The following RUFY2 variants were observed in gnomAD, a reference collection of about 807,000 sequenced individuals.
RUFY2 encodes RUN and FYVE domain containing 2, also known as RUN and FYVE domain-containing protein 2.
In RUFY2, 49 loss-of-function variants were observed where a neutral mutation model predicts 94.4. The observed-to-expected ratio is 0.52, with a 90% CI of 0.41 to 0.66. The LOEUF (loss-of-function observed/expected upper bound fraction) is 0.66, where lower values mean the gene tolerates loss of function less well. RUFY2 is among the 30% of genes least tolerant of loss of function. RUFY2 has a pLI of 0.00. For synonymous variants in RUFY2, 255 were observed against 235.7 expected (o/e 1.08, Z -0.75); for missense variants, 541 against 692.8 (o/e 0.78, Z 2.46).
In RUFY2 at chr10:68,343,752, A is replaced by ATAGTT. The variant is rs959840994; in HGVS notation, c.*2011_*2015dup. ...TGTAACAGAAAAATCCAAAGTTAGT[A>ATAGTT]TAGTTTTTAAATAAGCCAAAACTAC... On this transcript the variant is annotated 3_prime_UTR_variant, in exon 18 of 18. Coordinates refer to ENST00000602465, the MANE Select transcript of RUFY2 (RefSeq NM_001330103.2). 6.7e-6 allele frequency: 1 copy of ATAGTT among 148,306 alleles called. No individual in the cohort carries two copies. The highest frequency in any genetic ancestry group is 2.5e-5 in the African/African-American group (1 of 39,616). The allele number at this position is 148,306 out of a possible 1,614,324, so 9.2% of individuals were successfully genotyped here. A position where few individuals can be genotyped will look rare whatever the true frequency, so the allele number is the denominator to read the frequency against.
intron 17 of RUFY2, 34 bp from the exon 18 acceptor site, chr10:68,345,945 CT>C: frequency 6.2e-7 from 1 of 1,612,422 alleles, no homozygotes; most frequent in Non-Finnish European, 8.5e-7. Flanking sequence ...GAAAAAAACA[CT>C]TTAAATAAAA....
chr10:68,392,799 G>A (rs578251114), intron 7 of RUFY2, among the ~76,000 whole-genome samples: 53 of 150,648 alleles, frequency 3.5e-4, no homozygotes, highest in African/African-American at 7.1e-4. Context: ...GTGGTGGTGC[G>A]CGCCTATAGT....
chr10:68,351,921 G>A (rs1350601573), intron 16 of RUFY2, among the ~76,000 whole-genome samples: 1 of 151,598 alleles, frequency 6.6e-6, no homozygotes, highest in African/African-American at 2.4e-5. Flanking sequence ...GCTGGGCATG[G>A]TGGTGGGTGC....
In RUFY2 at chr10:68,394,637, T is replaced by A. The variant is rs7096049; in HGVS notation, c.399-186A>T. 6.4e-3 allele frequency among the ~76,000 whole-genome samples: 938 copies of A among 147,322 alleles called. 15 individuals carry two copies. The highest frequency in any genetic ancestry group is 0.023 in the African/African-American group (901 of 38,742). ...TATTTTTTATTTTTTATTTATTAAT[T>A]TTTTTTTTTTGAGACGAAGTCTTGC... is the stretch of plus-strand genomic sequence containing the variant. On this transcript the variant is annotated intron_variant, in intron 4 of 17. Transcript: ENST00000602465.
chr10:68,380,055 G>A (rs987559785), intron 11 of RUFY2, among the ~76,000 whole-genome samples: 7 of 151,486 alleles, frequency 4.6e-5, no homozygotes, highest in African/African-American at 7.3e-5. Context: ...TGATCTGCCC[G>A]CCTTGGCCTC....
At chr10:68,389,057 T>C (rs977870698) in intron 7 of RUFY2, among the ~76,000 whole-genome samples, 1 of 151,464 alleles carries the variant, frequency 6.6e-6, no homozygotes, top group African/African-American at 2.4e-5. Context: ...CATGACCAGC[T>C]AATTTTTTGT....
chr10:68,366,869 A>AT (rs2047885957), intron 13 of RUFY2, among the ~76,000 whole-genome samples: 2 of 139,660 alleles, frequency 1.4e-5, no homozygotes, highest in Non-Finnish European at 3.1e-5. Context: ...TATATTAAAT[A>AT]AATATATATA....
At chr10:68,394,273 A>G in intron 5 of RUFY2, 55 bp downstream of exon 5, 2 of 1,611,246 alleles carry the variant, frequency 1.2e-6, no homozygotes, top group Non-Finnish European at 1.7e-6. Flanking sequence ...CTGATCAAGG[A>G]GGAACTGTGC....
chr10:68,359,188 G>T (rs2047258535), intron 15 of RUFY2, among the ~76,000 whole-genome samples: 1 of 151,880 alleles, frequency 6.6e-6, no homozygotes, highest in African/African-American at 2.4e-5. Flanking sequence ...AGACTAGCCT[G>T]ATCAACATGG....
At chr10:68,366,588 C>CA (rs145762001) in intron 13 of RUFY2, among the ~76,000 whole-genome samples, 15,707 of 148,496 alleles carry the variant, frequency 0.11, 1,040 homozygotes, top group South Asian at 0.24. Context: ...ACTAAAAATA[C>CA]AAAAATAGCC....
intron 13 of RUFY2, among the ~76,000 whole-genome samples, chr10:68,367,903 T>G (rs1461863521): frequency 1.3e-5 from 2 of 151,836 alleles, no homozygotes; most frequent in African/African-American, 4.8e-5. Context: ...CCTGGCCCTG[T>G]TTTTGGCTTT....
intron 15 of RUFY2, among the ~76,000 whole-genome samples, chr10:68,358,399 C>T (rs2047202553): frequency 1.3e-5 from 2 of 152,136 alleles, no homozygotes; most frequent in South Asian, 2.1e-4. Flanking sequence ...TTTCACCTAC[C>T]TCATATTGAC....
At chr10:68,341,735 TTTTTTTC>T (rs763429371), downstream of RUFY2, 102 of 1,587,074 alleles carry the variant, frequency 6.4e-5, no homozygotes, top group African/African-American at 8.2e-5. Context: ...GAGTCTCAAT[TTTTTTTC>T]TTTTTTCTTT....
At chr10:68,369,780 T>TA (rs1047189190) in intron 13 of RUFY2, among the ~76,000 whole-genome samples, 2 of 151,578 alleles carry the variant, frequency 1.3e-5, no homozygotes, top group Non-Finnish European at 2.9e-5. Context: ...TAAATAAAAA[T>TA]AAAAAATAAA....
downstream of RUFY2, chr10:68,341,145 A>G (rs773504868): frequency 2.0e-6 from 3 of 1,479,566 alleles, no homozygotes; most frequent in African/African-American, 4.3e-5. Context: ...TCTCAATAGA[A>G]AAGTAAATAA....
At chr10:68,403,047 T>C (rs947839894) in intron 2 of RUFY2, among the ~76,000 whole-genome samples, 1 of 151,524 alleles carries the variant, frequency 6.6e-6, no homozygotes, top group African/African-American at 2.4e-5. Context: ...GGTTTCACTA[T>C]GCTGGCCAGG....
intron 15 of RUFY2, 129 bp from the exon 16 acceptor site, chr10:68,355,530 T>G: frequency 1.9e-6 from 1 of 537,412 alleles, no homozygotes; most frequent in Non-Finnish European, 3.3e-6. Flanking sequence ...TATGGCCTTC[T>G]CTGGCTAGTG....
intron 3 of RUFY2, among the ~76,000 whole-genome samples, chr10:68,398,567 G>A (rs893342323): frequency 4.7e-4 from 71 of 151,818 alleles, no homozygotes; most frequent in Admixed American, 9.9e-4. Flanking sequence ...CAGGAGAATC[G>A]CTTGAACCCA....
At chr10:68,396,924 A>C in intron 3 of RUFY2, 43 bp from the exon 4 acceptor site, 1 of 1,282,484 alleles carries the variant, frequency 7.8e-7, no homozygotes, top group South Asian at 1.2e-5. Flanking sequence ...CCCTAGCCCA[A>C]AGATCACATC....
Sources: allele counts gnomAD v4.1 joint callset (sites outside exome capture counted in the v4.1 genomes callset), GRCh38; gene constraint gnomAD v4.1.1; transcripts MANE v1.5; gene names NCBI Gene and HGNC (gene_info 2026-07-23, HGNC 2026-07-21).